CHRDL2: variants seen among roughly 807,000 people sequenced by gnomAD.
CHRDL2 encodes the protein chordin like 2.
In CHRDL2, 41 loss-of-function variants were observed where a neutral mutation model predicts 54.3. That is an observed-to-expected ratio of 0.76 (90% CI 0.59 to 0.98). The LOEUF is 0.98. Among genes scored for constraint, CHRDL2 ranks in the 50% least tolerant of loss-of-function variants. CHRDL2 has a pLI of 0.00. For missense variants in CHRDL2, 518 were observed against 562.4 expected (o/e 0.92, Z 0.80); for synonymous variants, 220 against 224.3 (o/e 0.98, Z 0.17).
chr11:74,719,936 C>G (rs1489954519), intron 1 of CHRDL2, among the ~76,000 whole-genome samples: 1 of 152,132 alleles, frequency 6.6e-6, no homozygotes, highest in African/African-American at 2.4e-5. Flanking sequence ...CCGCCCTATC[C>G]TCACCAACCC....
rs146692044 is a variant in CHRDL2, at chr11:74,697,209, G to T, written c.1209C>A (p.His403Gln). ...AQHFRLLAGP[H>Q]EGHWNVFLAQ... is the part of the protein sequence containing the mutation. The stretch of plus-strand genomic sequence containing the variant: ...TTCCTCAGCCCAAGCTCCTACCTTC[G>T]TGGGGGCCAGCGAGCAGTCGGAAGT... The change falls in exon 10 of 11, where the codon CAC becomes CAA. Residue 403 changes from histidine (H) to glutamine (Q), a missense_variant. His to Gln is a conservative substitution (Grantham distance 24). Transcript: ENST00000376332. 27 of 1,613,078 alleles carry T rather than the reference G, an allele frequency of 1.7e-5. No individual in the cohort carries two copies. The highest frequency in any genetic ancestry group is 1.2e-4 in the Admixed American group (7 of 60,020).
rs1372406451 is a variant in CHRDL2 at position 74,718,815 on chromosome 11, G to A, written c.100C>T (p.Leu34Phe). 1.9e-6 allele frequency: 3 copies of A among 1,611,724 alleles called. No individual in the cohort carries two copies. The highest frequency in any genetic ancestry group is 2.7e-5 in the African/African-American group (2 of 74,870). Residue 34 changes from leucine (L) to phenylalanine (F), a missense_variant, in exon 2 of 11, where the codon CTT becomes TTT. Leu to Phe is a conservative substitution (Grantham distance 22, BLOSUM62 0). Transcript: ENST00000376332. ...HARARPDMFC[L>F]FHGKRYSPGE... ...GGGGAGTATCTCTTCCCATGGAAAA[G>A]GCAGAACATGTCTGGGCCTGGCAAA...
chr11:74,711,077 A>C, intron 3 of CHRDL2, 86 bp from the exon 4 acceptor site: 2 of 1,442,308 alleles, frequency 1.4e-6, no homozygotes, highest in Non-Finnish European at 1.9e-6. Context: ...TTTTCTGATG[A>C]TTTTGCATTT....
At chr11:74,729,862 A>G (rs1420790049) in intron 1 of CHRDL2, among the ~76,000 whole-genome samples, 2 of 152,322 alleles carry the variant, frequency 1.3e-5, no homozygotes, top group East Asian at 3.9e-4. Context: ...GGGGACCACC[A>G]GCCTATTGTG....
In CHRDL2 at chr11:74,703,311, A is replaced by AAATC. The variant is rs2033892257; in HGVS notation, c.936_939dup (p.Cys314AspfsTer13). On this transcript the variant is annotated frameshift_variant, in exon 8 of 11. Coordinates refer to ENST00000376332, the MANE Select transcript of CHRDL2 (RefSeq NM_001278473.3). LOFTEE classifies it high-confidence loss of function. Reference sequence around the variant, plus strand: ...TCCCAGTGCCCCTGTGTACCTGGGCAAATCTTGCAGCACTTCCCAGCCACT... The same window carrying AAATC: ...TCCCAGTGCCCCTGTGTACCTGGGCAAATCAATCTTGCAGCACTTCCCAGCCACT... The AAATC allele has an allele frequency of 6.2e-7, 1 of 1,601,916 alleles. No individual in the cohort carries two copies. Among genetic ancestry groups the AAATC allele is most frequent in the African/African-American group, 1.3e-5 (1 of 74,490 alleles).
In CHRDL2 at chr11:74,710,913, A is replaced by T. The variant is rs1055178124; in HGVS notation, c.368T>A (p.Ile123Asn). 1.2e-6 allele frequency: 2 copies of T among 1,614,056 alleles called. No homozygotes were observed. Among genetic ancestry groups the T allele is most frequent in the Non-Finnish European group, 1.7e-6 (2 of 1,180,002 alleles). Residue 123 changes from isoleucine to asparagine, a missense_variant, in exon 4 of 11, where the codon ATC becomes AAC. Coordinates refer to ENST00000376332, the MANE Select transcript of CHRDL2 (RefSeq NM_001278473.3). ...HNGTMYQHGE[I>N]FSAHELFPSR... ...GGGGAACAGCTCATGGGCACTGAAG[A>T]TCTCTCCGTGTTGGTACATGGTCCC...
intron 2 of CHRDL2, among the ~76,000 whole-genome samples, chr11:74,717,558 C>A (rs186020971): frequency 1.3e-5 from 2 of 152,006 alleles, no homozygotes; most frequent in East Asian, 3.9e-4. Flanking sequence ...GGGGCCAACA[C>A]GGTAGAAGCA....
At chr11:74,712,244 G>A (rs1023858118) in intron 3 of CHRDL2, among the ~76,000 whole-genome samples, 7 of 152,250 alleles carry the variant, frequency 4.6e-5, no homozygotes, top group Non-Finnish European at 1.0e-4. Flanking sequence ...CAGAGAGGAG[G>A]AGCCTCTAAC....
In CHRDL2 at chr11:74,731,159, G is replaced by A. The variant is rs76537066; in HGVS notation, c.-271C>T. The A allele has an allele frequency of 8.5e-3, 3,831 of 452,328 alleles. 138 individuals are homozygous for A. Among genetic ancestry groups the A allele is most frequent in the African/African-American group, 0.071 (3,476 of 49,102 alleles). 28.0% of individuals were successfully genotyped at this position (452,328 alleles called of 1,614,324 possible). A position where few individuals can be genotyped will look rare whatever the true frequency, so the allele number is the denominator to read the frequency against. On this transcript the variant is annotated 5_prime_UTR_variant, in exon 1 of 11. Transcript: ENST00000376332. The surrounding 1 kb of genome is among the most constrained non-coding windows in gnomAD (Gnocchi z 4.4). The stretch of plus-strand genomic sequence containing the variant: ...GAAGGAAGGTCCAGCAGAAGGGAGA[G>A]GCGATCAAAGAAAGGGGGAAGGTGA...
intron 5 of CHRDL2, among the ~76,000 whole-genome samples, chr11:74,707,081 G>C (rs1465962335): frequency 6.6e-6 from 1 of 152,114 alleles, no homozygotes; most frequent in Non-Finnish European, 1.5e-5. Context: ...AGCACACAAA[G>C]CCGTTTGGAG....
intron 2 of CHRDL2, among the ~76,000 whole-genome samples, chr11:74,717,966 A>G (rs1438740308): frequency 6.6e-6 from 1 of 152,152 alleles, no homozygotes; most frequent in South Asian, 2.1e-4. Context: ...TCTGGACCAC[A>G]TGGGGGTCTC....
At chr11:74,730,570 C>G (rs1390256616) in intron 1 of CHRDL2, among the ~76,000 whole-genome samples, 9 of 152,346 alleles carry the variant, frequency 5.9e-5, no homozygotes, top group South Asian at 2.1e-4. Flanking sequence ...CCCTCTCCCC[C>G]CGCTGCCCTT....
chr11:74,703,294 C>T lies in CHRDL2; in HGVS notation c.946+11G>A. 6.3e-7 allele frequency: 1 copy of T among 1,584,030 alleles called. No homozygotes were observed. On this transcript the variant is annotated intron_variant, in intron 8 of 10. Coordinates refer to ENST00000376332, the MANE Select transcript of CHRDL2 (RefSeq NM_001278473.3). ...GCCAGCGCCCTCCTTGCTCCCAGTG[C>T]CCCTGTGTACCTGGGCAAATCTTGC... is the stretch of plus-strand genomic sequence containing the variant.
chr11:74,721,234 C>T (rs1229586878), intron 1 of CHRDL2, among the ~76,000 whole-genome samples: 4 of 143,270 alleles, frequency 2.8e-5, no homozygotes, highest in Admixed American at 2.0e-4. Context: ...TCCTCAGTCC[C>T]CTCCTCCCAC....
chr11:74,725,893 A>G (rs1329835179), intron 1 of CHRDL2, among the ~76,000 whole-genome samples: 1 of 152,120 alleles, frequency 6.6e-6, no homozygotes, highest in Non-Finnish European at 1.5e-5. Context: ...TACTTTCTCT[A>G]TTTATTTATA....
intron 9 of CHRDL2, chr11:74,698,230 A>AT (rs10669554): frequency 0.028 from 3,739 of 134,166 alleles, 79 homozygotes; most frequent in Middle Eastern, 0.045. Flanking sequence ...CACCTGGCTA[A>AT]TTTTTTTTTT....
intron 1 of CHRDL2, among the ~76,000 whole-genome samples, chr11:74,723,519 A>C (rs2034528223): frequency 6.6e-6 from 1 of 152,124 alleles, no homozygotes; most frequent in African/African-American, 2.4e-5. Flanking sequence ...TTTCCTTATT[A>C]ATTGAGAACT....
intron 4 of CHRDL2, among the ~76,000 whole-genome samples, chr11:74,709,034 A>T (rs114561037): frequency 2.3e-3 from 355 of 152,362 alleles, no homozygotes; most frequent in African/African-American, 8.4e-3. Flanking sequence ...ACAAGGCACA[A>T]CGTGCCTGGG....
intron 4 of CHRDL2, among the ~76,000 whole-genome samples, chr11:74,708,878 G>A (rs2034099120): frequency 6.6e-6 from 1 of 152,196 alleles, no homozygotes. Flanking sequence ...AGGCAAGACT[G>A]CAGGGGAAGG....
Sources: allele counts gnomAD v4.1 joint callset (sites outside exome capture counted in the v4.1 genomes callset), GRCh38; gene constraint gnomAD v4.1.1; non-coding constraint Gnocchi (gnomAD v3.1); transcripts MANE v1.5; gene names NCBI Gene and HGNC (gene_info 2026-07-23, HGNC 2026-07-21).